The following KLHL8 variants were observed in gnomAD, a reference collection of about 807,000 sequenced individuals.
KLHL8 encodes kelch like family member 8, also known as kelch-like protein 8.
KLHL8 carries 38 observed loss-of-function variants against 63.5 expected under a neutral mutation model. That is an observed-to-expected ratio of 0.60 (90% confidence interval 0.46 to 0.78). The LOEUF (loss-of-function observed/expected upper bound fraction) is 0.78. KLHL8 is among the 30% of genes least tolerant of loss of function. The probability of loss-of-function intolerance (pLI) is 0.00; values close to 1 mark genes in which losing one functional copy is unlikely to be tolerated. For synonymous variants in KLHL8, 224 were observed against 254.3 expected (o/e 0.88, Z 1.13); for missense variants, 566 against 752.4 (o/e 0.75, Z 2.90).
At chr4:87,226,400 T>C (rs1395170796) in intron 1 of KLHL8, among the ~76,000 whole-genome samples, 1 of 150,882 alleles carries the variant, frequency 6.6e-6, no homozygotes, top group East Asian at 2.0e-4. Context: ...CTGTCTCTAC[T>C]AAAAATACAA....
At chr4:87,193,169 C>CA (rs1490965355) in intron 2 of KLHL8, among the ~76,000 whole-genome samples, 1 of 152,156 alleles carries the variant, frequency 6.6e-6, no homozygotes, top group Non-Finnish European at 1.5e-5. Context: ...CTTGTAATAA[C>CA]ACTTAGCCTA....
chr4:87,229,925 C>T (rs912864695), intron 1 of KLHL8, among the ~76,000 whole-genome samples: 10 of 152,016 alleles, frequency 6.6e-5, no homozygotes, highest in Non-Finnish European at 1.5e-4. Flanking sequence ...AAAGAATATT[C>T]GTTTTACCTC....
At chr4:87,224,350 G>A (rs1336821954), upstream of KLHL8, among the ~76,000 whole-genome samples, 1 of 152,172 alleles carries the variant, frequency 6.6e-6, no homozygotes. Flanking sequence ...CTCATTCCCT[G>A]GATGACAGAG....
chr4:87,219,545 C>G (rs576810745), intron 1 of KLHL8: 3 of 152,184 alleles, frequency 2.0e-5, no homozygotes, highest in African/African-American at 4.8e-5. Flanking sequence ...AAATACTGAA[C>G]GTTTTCTATG....
intron 1 of KLHL8, among the ~76,000 whole-genome samples, chr4:87,237,204 G>A (rs1480716833): frequency 1.3e-5 from 2 of 152,092 alleles, no homozygotes; most frequent in Non-Finnish European, 2.9e-5. Context: ...GTCTGCTGGG[G>A]AAGACACTAT....
chr4:87,207,240 C>A, intron 1 of KLHL8: 1 of 566,878 alleles, frequency 1.8e-6, no homozygotes, highest in Non-Finnish European at 3.3e-6. Flanking sequence ...TAGGATTTTA[C>A]CTATGGCAAA....
chr4:87,197,213 TGACGGA>T (rs879797452), intron 1 of KLHL8, among the ~76,000 whole-genome samples: 52,157 of 151,518 alleles, frequency 0.34, 9,790 homozygotes, highest in Middle Eastern at 0.56. Context: ...TGCTTCTAAT[TGACGGA>T]ATGTGGGAAA....
intron 8 of KLHL8, chr4:87,167,429 A>G: frequency 2.1e-6 from 1 of 480,160 alleles, no homozygotes; most frequent in African/African-American, 2.0e-5. Flanking sequence ...GTGTTCTCCT[A>G]CTCCAGGCTG....
chr4:87,223,957 C>G (rs572328443), upstream of KLHL8, among the ~76,000 whole-genome samples: 2 of 152,184 alleles, frequency 1.3e-5, no homozygotes, highest in East Asian at 3.9e-4. Context: ...CCCTCAAAGT[C>G]CGATAAATTA....
At chr4:87,209,401 T>C (rs1732296888) in intron 1 of KLHL8, among the ~76,000 whole-genome samples, 1 of 152,192 alleles carries the variant, frequency 6.6e-6, no homozygotes, top group East Asian at 1.9e-4. Context: ...TGATTCCTTT[T>C]TTTTTGCTCC....
intron 1 of KLHL8, among the ~76,000 whole-genome samples, chr4:87,218,275 A>G (rs904130801): frequency 6.8e-6 from 1 of 147,990 alleles, no homozygotes; most frequent in Admixed American, 6.8e-5. Context: ...GTCTCGTTCT[A>G]TTGCCAGGCT....
chr4:87,175,374 CTTTT>C (rs1183993778), intron 6 of KLHL8, among the ~76,000 whole-genome samples: 7 of 151,750 alleles, frequency 4.6e-5, no homozygotes, highest in Non-Finnish European at 2.9e-5. Context: ...TTTTCCTTTC[CTTTT>C]TTTTAAGAGC....
intron 2 of KLHL8, among the ~76,000 whole-genome samples, chr4:87,193,878 T>C (rs1041798558): frequency 6.6e-6 from 1 of 152,228 alleles, no homozygotes; most frequent in African/African-American, 2.4e-5. Context: ...CACATGATTA[T>C]ACCCCTTTCT....
intron 2 of KLHL8, among the ~76,000 whole-genome samples, chr4:87,190,517 G>T (rs1179951528): frequency 2.6e-5 from 4 of 151,972 alleles, no homozygotes; most frequent in Non-Finnish European, 5.9e-5. Context: ...GATGGTGGGT[G>T]CCTATAATCC....
intron 8 of KLHL8, among the ~76,000 whole-genome samples, chr4:87,169,187 C>A (rs1416260623): frequency 6.6e-6 from 1 of 152,106 alleles, no homozygotes; most frequent in Admixed American, 6.5e-5. Flanking sequence ...CACCTGTAAT[C>A]CCAGTTACTC....
At chr4:87,176,437 G>A (rs900544038) in intron 6 of KLHL8, among the ~76,000 whole-genome samples, 21 of 152,104 alleles carry the variant, frequency 1.4e-4, no homozygotes, top group Admixed American at 3.3e-4. Flanking sequence ...AGAACCACTG[G>A]TACACAGAAA....
intron 1 of KLHL8, among the ~76,000 whole-genome samples, chr4:87,226,956 A>T (rs1451260703): frequency 1.9e-5 from 1 of 53,910 alleles, no homozygotes; most frequent in East Asian, 6.4e-4. Context: ...ATTATATATA[A>T]GTAATATATA....
chr4:87,222,324 G>A (rs1732890329), upstream of KLHL8, among the ~76,000 whole-genome samples: 1 of 152,022 alleles, frequency 6.6e-6, no homozygotes, highest in Non-Finnish European at 1.5e-5. Flanking sequence ...TATACCTTAA[G>A]TTGCCACATT....
intron 1 of KLHL8, among the ~76,000 whole-genome samples, chr4:87,217,958 T>C (rs2110056793): frequency 6.6e-6 from 1 of 152,362 alleles, no homozygotes; most frequent in Admixed American, 6.5e-5. Context: ...TTCAGTTCTC[T>C]ACAACTCTCA....
Sources: allele counts gnomAD v4.1 joint callset (sites outside exome capture counted in the v4.1 genomes callset), GRCh38; gene constraint gnomAD v4.1.1; transcripts MANE v1.5; gene names NCBI Gene and HGNC (gene_info 2026-07-23, HGNC 2026-07-21).